The following ZNF217 variants were observed in gnomAD, a reference collection of about 807,000 sequenced individuals.
ZNF217 encodes zinc finger protein 217.
In ZNF217, 12 loss-of-function variants were observed where a neutral mutation model predicts 73.3. That is an observed-to-expected ratio of 0.16 (90% confidence interval 0.10 to 0.27). The LOEUF is 0.27. ZNF217 is among the 10% of genes least tolerant of loss of function. The pLI, the probability that ZNF217 is intolerant of heterozygous loss-of-function variation, is 1.00. For missense variants in ZNF217, 1,195 were observed against 1,327.8 expected (o/e 0.90, Z 1.55); for synonymous variants, 588 against 516.4 (o/e 1.14, Z -1.88).
intron 5 of ZNF217, among the ~76,000 whole-genome samples, chr20:53,570,967 A>G (rs1987971839): frequency 6.6e-6 from 1 of 152,192 alleles, no homozygotes; most frequent in Non-Finnish European, 1.5e-5. Context: ...CTTTTTCTGT[A>G]AAGGGCCAGA....
chr20:53,579,754 G>T (rs1039542277), intron 2 of ZNF217, among the ~76,000 whole-genome samples: 2 of 152,242 alleles, frequency 1.3e-5, no homozygotes, highest in African/African-American at 4.8e-5. Flanking sequence ...CAAATAGGCT[G>T]TTGAAATTGT....
In ZNF217 at chr20:53,581,453, C is replaced by G; in HGVS notation, c.1366+8G>C. ...GGAACAGCACGGGACGGAGACAGGGCAGCTTACCCAGATGGATTCCTTCGG... is the reference window on the plus strand; with the variant it reads ...GGAACAGCACGGGACGGAGACAGGGGAGCTTACCCAGATGGATTCCTTCGG... On this transcript the variant is annotated splice_region_variant and intron_variant, in intron 2 of 5. Transcript: ENST00000371471. This position sits in a 1 kb window ranked among gnomAD's most constrained non-coding sequence, Gnocchi z 4.9. 6.3e-7 allele frequency: 1 copy of G among 1,598,170 alleles called. No homozygotes were observed. The highest frequency in any genetic ancestry group is 1.1e-5 in the South Asian group (1 of 89,426).
chr20:53,576,811 C>G lies in ZNF217; in HGVS notation c.1953G>C (p.Pro651=), dbSNP rs202034493. The G allele has an allele frequency of 6.2e-7, 1 of 1,614,174 alleles. No homozygotes were observed. Among genetic ancestry groups the G allele is most frequent in the South Asian group, 1.1e-5 (1 of 91,088 alleles). ...CAAGGTTATGGGTGGTACTGCCATC[C>G]GGAGGAGGAGTAACATCCGCCTTGG... is the stretch of plus-strand genomic sequence containing the variant. ...CRTKADVTPP[P]DGSTTHNLEV... Residue 651 remains proline (P), a synonymous_variant, in exon 4 of 6, where the codon CCG becomes CCC. Coordinates refer to ENST00000371471, the MANE Select transcript of ZNF217 (RefSeq NM_006526.3).
intron 1 of ZNF217, among the ~76,000 whole-genome samples, chr20:53,586,988 T>TTAC (rs1185344162): frequency 6.6e-6 from 1 of 152,254 alleles, no homozygotes; most frequent in African/African-American, 2.4e-5. Context: ...CACGCTAAGC[T>TTAC]TACTGAAAAG....
rs551243387 is a variant in ZNF217, at chr20:53,578,061, G to A, written c.1483+273C>T. Among the ~76,000 whole-genome samples the A allele has an allele frequency of 9.7e-4, 147 of 152,178 alleles. 1 individual carries two copies. The highest frequency in any genetic ancestry group is 2.2e-3 in the African/African-American group (93 of 41,522). On this transcript the variant is annotated intron_variant, in intron 3 of 5. Transcript: ENST00000371471. ...AGGGAGGTGGAGGCTGCAGTGAGCC[G>A]AAATTGCACCACTGCACTCCAGCCG...
Position 53,575,758 on chromosome 20 carries a change from A to G in ZNF217, c.3006T>C (p.Ala1002=), listed in dbSNP as rs34490301. 1.6e-4 allele frequency: 256 copies of G among 1,597,628 alleles called. 4 individuals are homozygous for G. In the African/African-American group the frequency reaches 3.1e-3, roughly 20 times the overall value. ...ACGTCGAGCTGGATGCTGGACTACC[A>G]GCAGGCACACAAGTGTAAAGTGGCC... ...GSGPLYTCVP[A]GSPASSSTLE... is the part of the protein sequence containing the mutation. The change falls in exon 4 of 6, where the codon GCT becomes GCC. Residue 1002 remains alanine, a synonymous_variant. Transcript: ENST00000371471.
chr20:53,585,875 C>T (rs554983731), intron 1 of ZNF217, among the ~76,000 whole-genome samples: 14 of 152,180 alleles, frequency 9.2e-5, no homozygotes, highest in Admixed American at 8.5e-4. Flanking sequence ...GGGAAGGAAA[C>T]CCTCCTGGCA....
chr20:53,582,133 T>C lies in ZNF217; in HGVS notation c.694A>G (p.Ile232Val). The change falls in exon 2 of 6, where the codon ATT becomes GTT. Residue 232 changes from isoleucine to valine, a missense_variant. This residue lies in a region of ZNF217 where 126 missense variants were observed against 114.4 expected (regional missense o/e 1.10). Coordinates refer to ENST00000371471, the MANE Select transcript of ZNF217 (RefSeq NM_006526.3). This position sits in a 1 kb window ranked among gnomAD's most constrained non-coding sequence, Gnocchi z 4.8. The stretch of plus-strand genomic sequence containing the variant: ...TTGGTGTGCACCTTGCGGTGCTCAA[T>C]TAGACTTTCTTTATTTGGAAATAGG... ...GFLFPNKESLIEHRKVHTKKT... is the reference protein window; with the variant it reads ...GFLFPNKESLVEHRKVHTKKT... The C allele has an allele frequency of 1.9e-6, 3 of 1,614,226 alleles. No individual in the cohort carries two copies. The South Asian group carries it at 3.3e-5, about 18-fold the overall frequency.
At position 53,577,175 on chromosome 20, in the gene ZNF217, GCAA is replaced by G. The variant is rs1378651145; in HGVS notation, c.1586_1588del (p.Val529del). On this transcript the variant is annotated inframe_deletion, in exon 4 of 6. Transcript: ENST00000371471. ...TTTACCATCGTTCTTGACTTCAGCA[GCAA>G]CATCGGTTTGTTTTTCCTTGTGATG... The G allele has an allele frequency of 1.2e-6, 2 of 1,613,432 alleles. No individual in the cohort carries two copies. The highest frequency in any genetic ancestry group is 2.7e-5 in the African/African-American group (2 of 74,934).
Position 53,575,864 on chromosome 20 carries a change from G to A in ZNF217, c.2900C>T (p.Pro967Leu), listed in dbSNP as rs1568681721. The change falls in exon 4 of 6, where the codon CCT (proline) becomes CTT (leucine). Residue 967 changes from proline to leucine, a missense_variant. This residue lies in a region of ZNF217 where 649 missense variants were observed against 642.8 expected (regional missense o/e 1.01). Transcript: ENST00000371471. ...QDCVYPSQAL[P>L]PKPRFLSSSE... ...GGAGCTCAGGAACCTTGGTTTGGGA[G>A]GCAGCGCCTGCGACGGATACACACA... The A allele has an allele frequency of 6.2e-7, 1 of 1,614,232 alleles. No individual in the cohort carries two copies. Among genetic ancestry groups the A allele is most frequent in the Non-Finnish European group, 8.5e-7 (1 of 1,180,050 alleles).
At chr20:53,588,142 A>G (rs549523330) in intron 1 of ZNF217, among the ~76,000 whole-genome samples, 20 of 152,274 alleles carry the variant, frequency 1.3e-4, no homozygotes, top group Middle Eastern at 3.4e-3. Flanking sequence ...AAATAGGATT[A>G]GAGACCAAAG....
In ZNF217 at chr20:53,576,317, C is replaced by G; in HGVS notation, c.2447G>C (p.Ser816Thr). ...CTGTGGTCTGTGGGACTTCAGGTTA[C>G]TTGGGGCTAAAGTGCTAGAGTCTAT... ...SGIDSSTLAP[S>T]NLKSHRPQQN... is the part of the protein sequence containing the mutation. The change falls in exon 4 of 6, where the codon AGT becomes ACT. Residue 816 changes from serine (S) to threonine (T), a missense_variant. Physicochemically the swap from Ser to Thr is moderately conservative, Grantham distance 58 (BLOSUM62 1). This residue lies in a region of ZNF217 where 649 missense variants were observed against 642.8 expected (regional missense o/e 1.01). Coordinates refer to ENST00000371471, the MANE Select transcript of ZNF217 (RefSeq NM_006526.3). 1 of 1,614,204 alleles carries G rather than the reference C, an allele frequency of 6.2e-7. No individual in the cohort carries two copies. Among genetic ancestry groups the G allele is most frequent in the Non-Finnish European group, 8.5e-7 (1 of 1,180,030 alleles).
Position 53,576,658 on chromosome 20 carries a change from C to G in ZNF217, c.2106G>C (p.Leu702Phe). 6.2e-7 allele frequency: 1 copy of G among 1,614,178 alleles called. No homozygotes were observed. The highest frequency in any genetic ancestry group is 8.5e-7 in the Non-Finnish European group (1 of 1,180,044). ...TGATACTTGGAATCAAACTTTTACTCAAAGAAATTGCCGGGCAATTGTGAA... is the reference window on the plus strand; with the variant it reads ...TGATACTTGGAATCAAACTTTTACTGAAAGAAATTGCCGGGCAATTGTGAA... ...GALHNCPAIS[L>F]SKSLIPSITC... The change falls in exon 4 of 6, where the codon TTG (leucine) becomes TTC (phenylalanine). Residue 702 changes from leucine to phenylalanine, a missense_variant. By Grantham distance (22) the Leu-to-Phe change is conservative. This residue lies in a region of ZNF217 where 649 missense variants were observed against 642.8 expected (regional missense o/e 1.01). Transcript: ENST00000371471.
At chr20:53,592,328 T>A (rs1282994207) in intron 1 of ZNF217, among the ~76,000 whole-genome samples, 1 of 151,640 alleles carries the variant, frequency 6.6e-6, no homozygotes, top group Non-Finnish European at 1.5e-5. Flanking sequence ...TCAAGGAATT[T>A]CGAGGTAGAA....
chr20:53,575,902 C>T lies in ZNF217; in HGVS notation c.2862G>A (p.Leu954=). 3 of 1,614,196 alleles carry T rather than the reference C, an allele frequency of 1.9e-6. No individual in the cohort carries two copies. Among genetic ancestry groups the T allele is most frequent in the Non-Finnish European group, 2.5e-6 (3 of 1,180,034 alleles). Residue 954 remains leucine, a synonymous_variant, in exon 4 of 6, where the codon CTG becomes CTA. Coordinates refer to ENST00000371471, the MANE Select transcript of ZNF217 (RefSeq NM_006526.3). ...KYHMVRGITS[L]LPQDCVYPSQ... is the part of the protein sequence containing the mutation. ...ACGGATACACACAGTCCTGCGGTAA[C>T]AGTGATGTGATGCCTCTGACCATAT...
rs550114976 is a variant in ZNF217 at position 53,571,725 on chromosome 20, T to G, written c.*19A>C. 3 of 1,607,914 alleles carry G rather than the reference T, an allele frequency of 1.9e-6. No individual in the cohort carries two copies. Among genetic ancestry groups the G allele is most frequent in the Middle Eastern group, 3.3e-4 (2 of 6,044 alleles). ...TTAATTGAAACATATGCTCACCTTT[T>G]TTCCCCCTAATTAGTGAATCAAGTT... On this transcript the variant is annotated 3_prime_UTR_variant, in exon 5 of 6. Coordinates refer to ENST00000371471, the MANE Select transcript of ZNF217 (RefSeq NM_006526.3).
At chr20:53,574,815 A>C (rs1988179073) in intron 4 of ZNF217, 1 of 145,750 alleles carries the variant, frequency 6.9e-6, no homozygotes, top group Non-Finnish European at 1.5e-5. Context: ...AAAAAAAGAA[A>C]GAAAGAAAAA....
At chr20:53,596,240 C>CAA (rs201769487), upstream of ZNF217, among the ~76,000 whole-genome samples, 329 of 144,984 alleles carry the variant, frequency 2.3e-3, 1 homozygote, top group South Asian at 7.2e-3. Flanking sequence ...CCGCCTCTCT[C>CAA]AAAAAAAAAA....
Position 53,581,588 on chromosome 20 carries a change from G to A in ZNF217, c.1239C>T (p.Asp413=), listed in dbSNP as rs1171887256. ...AGAESPTMSV[D]GRQPGTCSPD... is the part of the protein sequence containing the mutation. ...GAGAACACGTCCCCGGCTGCCTCCCGTCCACAGACATGGTGGGCGACTCCG... is the reference window on the plus strand; with the variant it reads ...GAGAACACGTCCCCGGCTGCCTCCCATCCACAGACATGGTGGGCGACTCCG... Residue 413 remains aspartate, a synonymous_variant, in exon 2 of 6, where the codon GAC becomes GAT. Coordinates refer to ENST00000371471, the MANE Select transcript of ZNF217 (RefSeq NM_006526.3). This position sits in a 1 kb window ranked among gnomAD's most constrained non-coding sequence, Gnocchi z 4.9. 65 of 1,614,092 alleles carry A rather than the reference G, an allele frequency of 4.0e-5. No individual in the cohort carries two copies. Among genetic ancestry groups the A allele is most frequent in the Non-Finnish European group, 5.0e-5 (59 of 1,180,040 alleles).
Sources: allele counts gnomAD v4.1 joint callset (sites outside exome capture counted in the v4.1 genomes callset), GRCh38; gene constraint gnomAD v4.1.1; regional missense constraint gnomAD v4.1.1; non-coding constraint Gnocchi (gnomAD v3.1); transcripts MANE v1.5; gene names NCBI Gene and HGNC (gene_info 2026-07-23, HGNC 2026-07-21).